Variants in SPMIP3 observed in about 807,000 individuals in gnomAD.
SPMIP3 encodes sperm microtubule inner protein 3.
chr1:244,372,227 A>G, the SPMIP3 span, among the ~76,000 whole-genome samples: 9 of 152,108 alleles, frequency 5.9e-5, no homozygotes, highest in Admixed American at 5.2e-4. Flanking sequence ...TATTCAGATC[A>G]CTATTTCAGC....
the SPMIP3 span, among the ~76,000 whole-genome samples, chr1:244,380,986 G>T: frequency 1.3e-5 from 2 of 151,992 alleles, no homozygotes; most frequent in African/African-American, 4.8e-5. Flanking sequence ...TGATCACGGC[G>T]GGAGCTGAGG....
chr1:244,375,380 T>A, the SPMIP3 span: 1 of 1,613,432 alleles, frequency 6.2e-7, no homozygotes, highest in Non-Finnish European at 8.5e-7. Flanking sequence ...AGTATATTCA[T>A]CGCTCACCAA....
chr1:244,380,107 C>A, the SPMIP3 span, among the ~76,000 whole-genome samples: 5 of 146,770 alleles, frequency 3.4e-5, no homozygotes, highest in African/African-American at 1.3e-4. Context: ...TGAATTACTT[C>A]ATTCACAGAG....
At chr1:244,357,037 C>T in the SPMIP3 span, among the ~76,000 whole-genome samples, 1 of 148,420 alleles carries the variant, frequency 6.7e-6, no homozygotes, top group Non-Finnish European at 1.5e-5. Context: ...ATCCTTCCAT[C>T]TCAGCCTCCC....
the SPMIP3 span, among the ~76,000 whole-genome samples, chr1:244,364,009 G>T: frequency 1.3e-5 from 2 of 152,100 alleles, no homozygotes; most frequent in Non-Finnish European, 2.9e-5. Flanking sequence ...AATGAGACAG[G>T]ATCTTGGGTC....
At chr1:244,356,649 A>G in the SPMIP3 span, among the ~76,000 whole-genome samples, 1 of 152,196 alleles carries the variant, frequency 6.6e-6, no homozygotes, top group Non-Finnish European at 1.5e-5. Flanking sequence ...GAATCCTCCT[A>G]GGAGCCATGA....
At chr1:244,376,389 A>G in the SPMIP3 span, 1 of 152,108 alleles carries the variant, frequency 6.6e-6, no homozygotes, top group Non-Finnish European at 1.5e-5. Context: ...AAGGCTACTC[A>G]CTCGTTTAGA....
At chr1:244,368,111 C>A in the SPMIP3 span, among the ~76,000 whole-genome samples, 1 of 151,692 alleles carries the variant, frequency 6.6e-6, no homozygotes, top group African/African-American at 2.4e-5. Context: ...AGGCGCCCAC[C>A]ACCACACCTG....
the SPMIP3 span, among the ~76,000 whole-genome samples, chr1:244,363,383 A>G: frequency 0.029 from 4,293 of 146,834 alleles, 204 homozygotes; most frequent in African/African-American, 0.1. Context: ...ACTCCAACCT[A>G]GGCGACAGAG....
the SPMIP3 span, among the ~76,000 whole-genome samples, chr1:244,374,584 T>C: frequency 0.016 from 2,091 of 128,518 alleles, 51 homozygotes; most frequent in East Asian, 0.045. Context: ...TTCCCACATT[T>C]CTCTTTTTTT....
the SPMIP3 span, among the ~76,000 whole-genome samples, chr1:244,370,950 T>A: frequency 6.6e-6 from 1 of 152,252 alleles, no homozygotes; most frequent in South Asian, 2.1e-4. Flanking sequence ...TGAGATCATT[T>A]CTGTAAAAAT....
the SPMIP3 span, among the ~76,000 whole-genome samples, chr1:244,367,521 C>T: frequency 3.3e-5 from 5 of 152,166 alleles, no homozygotes; most frequent in East Asian, 5.8e-4. Flanking sequence ...CCTCACGGTG[C>T]GCACTATGGG....
chr1:244,387,171 G>A, the SPMIP3 span, among the ~76,000 whole-genome samples: 251 of 152,138 alleles, frequency 1.6e-3, 1 homozygote, highest in African/African-American at 5.9e-3. Context: ...GGGTGGTGGC[G>A]GGCACCTGTA....
the SPMIP3 span, among the ~76,000 whole-genome samples, chr1:244,382,697 G>C: frequency 7.2e-6 from 1 of 138,324 alleles, no homozygotes; most frequent in Non-Finnish European, 1.5e-5. Flanking sequence ...TCCACCTCCC[G>C]GGTTCAAGCG....
At chr1:244,367,070 G>A in the SPMIP3 span, among the ~76,000 whole-genome samples, 1 of 152,064 alleles carries the variant, frequency 6.6e-6, no homozygotes, top group South Asian at 2.1e-4. Context: ...GGTGATAGGG[G>A]CAGGGGGTGG....
chr1:244,378,329 G>T, the SPMIP3 span: 2 of 799,528 alleles, frequency 2.5e-6, no homozygotes, highest in Non-Finnish European at 3.9e-6. Context: ...TGCCAGGGCT[G>T]GTCGCAGAGC....
the SPMIP3 span, among the ~76,000 whole-genome samples, chr1:244,372,593 GC>G: frequency 7.9e-5 from 12 of 151,930 alleles, no homozygotes; most frequent in Non-Finnish European, 1.3e-4. Context: ...ACAGGTGCCC[GC>G]CACCACACCT....
chr1:244,389,095 T>C, the SPMIP3 span: 2 of 1,581,502 alleles, frequency 1.3e-6, no homozygotes, highest in East Asian at 2.2e-5. Flanking sequence ...AAAATAACGT[T>C]TGGCATTCTT....
At chr1:244,381,737 C>A in the SPMIP3 span, among the ~76,000 whole-genome samples, 2 of 152,202 alleles carry the variant, frequency 1.3e-5, no homozygotes, top group Non-Finnish European at 2.9e-5. Context: ...TCGAGACCAG[C>A]CTGGCCAACA....
Sources: allele counts gnomAD v4.1 joint callset (sites outside exome capture counted in the v4.1 genomes callset), GRCh38; gene constraint gnomAD v4.1.1; transcripts MANE v1.5; gene names NCBI Gene and HGNC (gene_info 2026-07-23, HGNC 2026-07-21).